The following PARD3 variants were observed in gnomAD, a reference collection of about 807,000 sequenced individuals.
The protein encoded by PARD3 is partitioning defective 3 homolog.
PARD3 carries 75 observed loss-of-function variants against 155.4 expected under a neutral mutation model. The observed-to-expected ratio is 0.48, with a 90% CI of 0.40 to 0.58. PARD3 has a LOEUF of 0.58. PARD3 is among the 20% of genes least tolerant of loss of function. The probability of loss-of-function intolerance (pLI) is 0.00; values close to 1 mark genes in which losing one functional copy is unlikely to be tolerated. For missense variants in PARD3, 1,642 were observed against 1,721.7 expected, an observed-to-expected ratio of 0.95 and a Z score of 0.82; for synonymous variants, 576 against 610.5, an observed-to-expected ratio of 0.94 and a Z score of 0.83.
At chr10:34,117,377 C>T (rs1457066530) in intron 24 of PARD3, among the ~76,000 whole-genome samples, 1 of 151,998 alleles carries the variant, frequency 6.6e-6, no homozygotes, top group Non-Finnish European at 1.5e-5. Flanking sequence ...CCAGGTGGGC[C>T]AATTCGTCCA....
At chr10:34,789,070 CCAA>C (rs1232129914) in intron 1 of PARD3, among the ~76,000 whole-genome samples, 133 of 152,274 alleles carry the variant, frequency 8.7e-4, no homozygotes, top group African/African-American at 3.0e-3. Flanking sequence ...AATTAACTTC[CCAA>C]CAATAGTTAA....
intron 3 of PARD3, among the ~76,000 whole-genome samples, chr10:34,474,401 T>G (rs140060035): frequency 2.2e-4 from 34 of 152,328 alleles, no homozygotes; most frequent in African/African-American, 8.2e-4. Flanking sequence ...TTCTATCTGA[T>G]GGATCTCTGT....
At chr10:34,157,739 C>A (rs1949077544) in intron 22 of PARD3, among the ~76,000 whole-genome samples, 1 of 152,120 alleles carries the variant, frequency 6.6e-6, no homozygotes, top group Admixed American at 6.5e-5. Flanking sequence ...ATGACACATG[C>A]CCAAATGAAG....
intron 2 of PARD3, among the ~76,000 whole-genome samples, chr10:34,669,962 G>A (rs1343977320): frequency 3.3e-5 from 5 of 152,340 alleles, no homozygotes; most frequent in South Asian, 4.1e-4. Flanking sequence ...AAGATTTATA[G>A]TGAAAAGGTC....
intron 2 of PARD3, among the ~76,000 whole-genome samples, chr10:34,517,384 G>A (rs187915827): frequency 1.3e-5 from 2 of 152,182 alleles, no homozygotes; most frequent in Non-Finnish European, 2.9e-5. Context: ...AAGTCTATGG[G>A]TGAAAAAATA....
At chr10:34,259,025 C>A (rs1276708406) in intron 22 of PARD3, among the ~76,000 whole-genome samples, 4 of 151,954 alleles carry the variant, frequency 2.6e-5, no homozygotes, top group Admixed American at 2.6e-4. Context: ...GCTATAATTG[C>A]ACCACTGACT....
intron 20 of PARD3, chr10:34,312,154 C>A: frequency 9.9e-6 from 9 of 910,770 alleles, no homozygotes; most frequent in South Asian, 1.9e-5. Flanking sequence ...TAATTTAAAC[C>A]CCAAGCTTGA....
At chr10:34,227,883 T>TATATATATATATATATATAC (rs1491222875) in intron 22 of PARD3, among the ~76,000 whole-genome samples, 29 of 130,428 alleles carry the variant, frequency 2.2e-4, no homozygotes, top group African/African-American at 7.6e-4. Flanking sequence ...TATATATATA[T>TATATATATATATATATATAC]ACTGGGAATA....
At chr10:34,229,038 C>T (rs1952772889) in intron 22 of PARD3, among the ~76,000 whole-genome samples, 1 of 152,000 alleles carries the variant, frequency 6.6e-6, no homozygotes, top group South Asian at 2.1e-4. Context: ...AACAGTGTTT[C>T]CTTATCATTT....
intron 2 of PARD3, among the ~76,000 whole-genome samples, chr10:34,656,947 C>T (rs1662224421): frequency 6.6e-6 from 1 of 152,150 alleles, no homozygotes. Context: ...GAGGAAACAG[C>T]CTTCTAATAA....
chr10:34,786,944 CAT>C (rs199507784), intron 1 of PARD3, among the ~76,000 whole-genome samples: 2,269 of 152,276 alleles, frequency 0.015, 31 homozygotes, highest in African/African-American at 0.043. Context: ...GCTCTAAACA[CAT>C]GTTATCTAAA....
intron 22 of PARD3, among the ~76,000 whole-genome samples, chr10:34,138,175 T>G (rs1223672648): frequency 6.6e-6 from 1 of 152,210 alleles, no homozygotes; most frequent in Non-Finnish European, 1.5e-5. Flanking sequence ...ATTCATAGAA[T>G]TAGTCACTGC....
At chr10:34,504,769 C>G (rs1048955092) in intron 3 of PARD3, among the ~76,000 whole-genome samples, 1 of 152,172 alleles carries the variant, frequency 6.6e-6, no homozygotes, top group Non-Finnish European at 1.5e-5. Flanking sequence ...TGAGGCACCT[C>G]TCCAGCTGGG....
chr10:34,659,606 T>G (rs577350215), intron 2 of PARD3, among the ~76,000 whole-genome samples: 2 of 152,322 alleles, frequency 1.3e-5, no homozygotes, highest in South Asian at 4.1e-4. Flanking sequence ...ATTCTTTTCC[T>G]TAAGGTACAC....
chr10:34,806,842 G>C (rs1843457690), intron 1 of PARD3, among the ~76,000 whole-genome samples: 1 of 152,180 alleles, frequency 6.6e-6, no homozygotes, highest in Admixed American at 6.5e-5. Flanking sequence ...ACCATGCAGA[G>C]CAGGAGTCCC....
chr10:34,349,155 G>A (rs893041989), intron 14 of PARD3, among the ~76,000 whole-genome samples: 2 of 152,108 alleles, frequency 1.3e-5, no homozygotes, highest in Admixed American at 6.5e-5. Flanking sequence ...GAGAGAAGGC[G>A]CTCCTCTCAC....
chr10:34,193,413 C>T (rs938062079), intron 22 of PARD3, among the ~76,000 whole-genome samples: 3 of 152,086 alleles, frequency 2.0e-5, no homozygotes, highest in Non-Finnish European at 2.9e-5. Flanking sequence ...TTTGTATACA[C>T]AAAGAGATCC....
intron 7 of PARD3, among the ~76,000 whole-genome samples, chr10:34,391,978 A>G (rs1183616385): frequency 6.6e-6 from 1 of 152,178 alleles, no homozygotes; most frequent in Non-Finnish European, 1.5e-5. Context: ...CAACATGGGG[A>G]GACCCCACCT....
At chr10:34,451,939 T>C (rs2077084638) in intron 4 of PARD3, among the ~76,000 whole-genome samples, 1 of 152,034 alleles carries the variant, frequency 6.6e-6, no homozygotes, top group African/African-American at 2.4e-5. Context: ...CATATGATAG[T>C]CCATAGATAC....
Sources: allele counts gnomAD v4.1 joint callset (sites outside exome capture counted in the v4.1 genomes callset), GRCh38; gene constraint gnomAD v4.1.1; transcripts MANE v1.5; gene names NCBI Gene and HGNC (gene_info 2026-07-23, HGNC 2026-07-21).